SLC6A6: variants seen among roughly 807,000 people sequenced by gnomAD.
SLC6A6 encodes the protein solute carrier family 6 member 6.
In SLC6A6, 16 loss-of-function variants were observed where a neutral mutation model predicts 68.8. That is an observed-to-expected ratio of 0.23 (90% CI 0.16 to 0.35). The LOEUF (loss-of-function observed/expected upper bound fraction) is 0.35. Ranked by LOEUF, SLC6A6 falls within the 10% of genes least tolerant of loss-of-function variation. SLC6A6 has a pLI of 1.00. For synonymous variants in SLC6A6, 312 were observed against 315.4 expected, an observed-to-expected ratio of 0.99 and a Z score of 0.12; for missense variants, 474 against 802.8, an observed-to-expected ratio of 0.59 and a Z score of 4.95.
intron 5 of SLC6A6, 33 bp from the exon 6 acceptor site, chr3:14,457,917 C>G (rs769832662): frequency 3.7e-6 from 6 of 1,612,820 alleles, no homozygotes; most frequent in Middle Eastern, 1.8e-4. Context: ...GGCCAGGCCC[C>G]TCACTGACTC....
chr3:14,444,251 A>C, intron 3 of SLC6A6: 2 of 195,996 alleles, frequency 1.0e-5, no homozygotes, highest in South Asian at 1.0e-4. Flanking sequence ...TTTAATATTC[A>C]TGTTTGCTTT....
intron 9 of SLC6A6, among the ~76,000 whole-genome samples, chr3:14,469,466 T>TG (rs1056217628): frequency 3.3e-5 from 5 of 152,192 alleles, no homozygotes; most frequent in African/African-American, 9.7e-5. Flanking sequence ...GCCCTAGCAC[T>TG]GGGGGGTCAG....
Position 14,477,531 on chromosome 3 carries a change from A to C in SLC6A6, c.1347+189A>C, listed in dbSNP as rs1700907307. 6.6e-6 allele frequency among the ~76,000 whole-genome samples: 1 copy of C among 152,190 alleles called. No individual in the cohort carries two copies. The highest frequency in any genetic ancestry group is 2.4e-5 in the African/African-American group (1 of 41,452). The stretch of plus-strand genomic sequence containing the variant: ...GGGCTCAGGAGCCCACAGCTGACCC[A>C]AACTACCCAATTATTTTGCCTGTTG... On this transcript the variant is annotated intron_variant, in intron 11 of 14. Coordinates refer to ENST00000622186, the MANE Select transcript of SLC6A6 (RefSeq NM_003043.6). The surrounding 1 kb of genome is among the most constrained non-coding windows in gnomAD (Gnocchi z 4.2).
intron 12 of SLC6A6, 189 bp from the exon 13 acceptor site, chr3:14,478,896 T>A (rs1431842339): frequency 3.3e-6 from 2 of 601,784 alleles, no homozygotes; most frequent in African/African-American, 1.9e-5. Flanking sequence ...TGCCTCAGAT[T>A]GCCAGAAAAA....
intron 2 of SLC6A6, among the ~76,000 whole-genome samples, chr3:14,436,531 CTTTTTTTTTTTTTTTTTTTTTT>C (rs58996264): frequency 9.8e-5 from 11 of 112,460 alleles, no homozygotes; most frequent in East Asian, 3.3e-4. Flanking sequence ...CAACAACTCC[CTTTTTTTTTTTTTTTTTTTTTT>C]TTTTTTTTTT....
chr3:14,476,443 C>T (rs1700880820), intron 10 of SLC6A6, among the ~76,000 whole-genome samples: 1 of 152,230 alleles, frequency 6.6e-6, no homozygotes. Context: ...ATGTTACCTA[C>T]AGAGGGGCCT....
At chr3:14,407,663 C>G (rs759293808) in intron 1 of SLC6A6, among the ~76,000 whole-genome samples, 8 of 152,142 alleles carry the variant, frequency 5.3e-5, no homozygotes, top group Non-Finnish European at 1.2e-4. Context: ...GCCACCACAC[C>G]TGGCTAGTTT....
intron 6 of SLC6A6, 133 bp from the exon 7 acceptor site, chr3:14,466,383 A>T (rs901365327): frequency 9.9e-7 from 1 of 1,008,434 alleles, no homozygotes; most frequent in Non-Finnish European, 1.4e-6. Flanking sequence ...GCCGCACAGC[A>T]AGTAAGACAG....
intron 2 of SLC6A6, among the ~76,000 whole-genome samples, chr3:14,417,744 A>AG: frequency 6.6e-6 from 1 of 152,052 alleles, no homozygotes; most frequent in East Asian, 1.9e-4. Flanking sequence ...AAAAAAAAAA[A>AG]AAAAAGAGCA....
intron 3 of SLC6A6, chr3:14,444,478 A>C (rs901778614): frequency 1.3e-4 from 32 of 242,076 alleles, no homozygotes; most frequent in African/African-American, 7.2e-4. Flanking sequence ...TGCCTGCTGA[A>C]GGCTCCGAGC....
chr3:14,487,207 T>TCAAG lies in SLC6A6; in HGVS notation c.*2200_*2201insCAAG, dbSNP rs1701191622. 1 of 152,668 alleles carries TCAAG rather than the reference T, an allele frequency of 6.6e-6. No homozygotes were observed. The highest frequency in any genetic ancestry group is 6.5e-5 in the Admixed American group (1 of 15,290). The allele number at this position is 152,668 out of a possible 1,614,324, so 9.5% of individuals were successfully genotyped here. On this transcript the variant is annotated 3_prime_UTR_variant, in exon 15 of 15. Coordinates refer to ENST00000622186, the MANE Select transcript of SLC6A6 (RefSeq NM_003043.6). ...TTGGGTTGGTAGGCAAATTGCAACA[T>TCAAG]TCTGGACATGGCCTGAGGAAGGCCT...
chr3:14,430,337 A>G (rs1233240737), intron 2 of SLC6A6, among the ~76,000 whole-genome samples: 1 of 152,090 alleles, frequency 6.6e-6, no homozygotes, highest in Non-Finnish European at 1.5e-5. Flanking sequence ...GCACGCCTCC[A>G]AGGAGTTTCC....
intron 2 of SLC6A6, among the ~76,000 whole-genome samples, chr3:14,418,498 C>T (rs1402678170): frequency 6.6e-6 from 1 of 152,148 alleles, no homozygotes; most frequent in Non-Finnish European, 1.5e-5. Flanking sequence ...ACCCAGCCAG[C>T]CACTGGGCAG....
chr3:14,470,900 A>G (rs908433024), intron 9 of SLC6A6, among the ~76,000 whole-genome samples: 1 of 151,782 alleles, frequency 6.6e-6, no homozygotes, highest in African/African-American at 2.4e-5. Flanking sequence ...GCGAGCAACC[A>G]CTCTGTCGCT....
At chr3:14,462,086 C>CA (rs2124972869) in intron 6 of SLC6A6, among the ~76,000 whole-genome samples, 1 of 152,314 alleles carries the variant, frequency 6.6e-6, no homozygotes, top group Non-Finnish European at 1.5e-5. Flanking sequence ...ATACCACGTC[C>CA]CACAGCAAGG....
Position 14,433,471 on chromosome 3 carries a change from CG to C in SLC6A6, c.-11-10151del, listed in dbSNP as rs1226200206. Reference sequence around the variant, plus strand: ...CTCAGCTCATGGTGAGGAACCCAGGCGGCCGAGGTGTGGGGTTAACGACTCT... The same window carrying C: ...CTCAGCTCATGGTGAGGAACCCAGGCGCCGAGGTGTGGGGTTAACGACTCT... On this transcript the variant is annotated intron_variant, in intron 2 of 14. Transcript: ENST00000622186. Among the ~76,000 whole-genome samples, 12 of 152,160 alleles carry C rather than the reference CG, an allele frequency of 7.9e-5. No individual in the cohort carries two copies. The East Asian group carries it at 2.3e-3, about 29-fold the overall frequency.
intron 1 of SLC6A6, among the ~76,000 whole-genome samples, chr3:14,412,929 G>A (rs772441574): frequency 2.0e-5 from 3 of 152,234 alleles, no homozygotes; most frequent in South Asian, 2.1e-4. Context: ...GCCGGCATTC[G>A]TGCTGGGCCA....
chr3:14,418,729 GC>G (rs1699420222), intron 2 of SLC6A6, among the ~76,000 whole-genome samples: 1 of 152,206 alleles, frequency 6.6e-6, no homozygotes, highest in African/African-American at 2.4e-5. Context: ...ATCAGGCACT[GC>G]TAAACACGTC....
chr3:14,474,451 A>G (rs890119434), intron 10 of SLC6A6, among the ~76,000 whole-genome samples: 1 of 152,150 alleles, frequency 6.6e-6, no homozygotes, highest in Non-Finnish European at 1.5e-5. Context: ...TTGCGCGGCC[A>G]TCACCACCGT....
Sources: gnomAD v4.1 joint callset for allele counts (sites outside exome capture counted in the v4.1 genomes callset) on GRCh38, gnomAD v4.1.1 for gene constraint, Gnocchi (gnomAD v3.1) non-coding constraint, MANE v1.5 for transcripts, NCBI Gene and HGNC (gene_info 2026-07-23, HGNC 2026-07-21) for gene names.